The following COG1 variants were observed in gnomAD, a reference collection of about 807,000 sequenced individuals.
COG1 encodes conserved oligomeric Golgi complex subunit 1.
Under a neutral mutation model 102.2 loss-of-function variants are expected in COG1, and 61 were observed. That is an observed-to-expected ratio of 0.60 (90% CI 0.49 to 0.74). The LOEUF (loss-of-function observed/expected upper bound fraction) is 0.74. Among genes scored for constraint, COG1 ranks in the 30% least tolerant of loss-of-function variants. The pLI is 0.00. For synonymous variants in COG1, 454 were observed against 493.6 expected (o/e 0.92, Z 1.06); for missense variants, 1,164 against 1,232.1 (o/e 0.94, Z 0.83).
intron 8 of COG1, 86 bp from the exon 9 acceptor site, chr17:73,203,546 G>A: frequency 1.3e-6 from 2 of 1,514,844 alleles, no homozygotes; most frequent in Non-Finnish European, 1.8e-6. Flanking sequence ...TGGCACATAG[G>A]CCTTGTAAGA....
intron 1 of COG1, among the ~76,000 whole-genome samples, chr17:73,194,152 A>ATTTTTTTTTT (rs1257232460): frequency 5.4e-5 from 8 of 147,344 alleles, no homozygotes; most frequent in Non-Finnish European, 7.5e-5. Flanking sequence ...TTCCTAAAGA[A>ATTTTTTTTTT]TTTTTATTGG....
chr17:73,201,575 A>G lies in COG1; in HGVS notation c.1748A>G (p.Asp583Gly), dbSNP rs1436799906. 1 of 1,614,216 alleles carries G rather than the reference A, an allele frequency of 6.2e-7. No individual in the cohort carries two copies. The highest frequency in any genetic ancestry group is 8.5e-7 in the Non-Finnish European group (1 of 1,180,028). ...QSVACIKHIV[D>G]CIRAELQSIE... ...GTGGCATGCATCAAGCACATCGTGGACTGCATCCGGGCAGAGCTACAGAGC... is the reference window on the plus strand; with the variant it reads ...GTGGCATGCATCAAGCACATCGTGGGCTGCATCCGGGCAGAGCTACAGAGC... Residue 583 changes from aspartate (D) to glycine (G), a missense_variant, in exon 7 of 14, where the codon GAC (aspartate) becomes GGC (glycine). Physicochemically the swap from Asp to Gly is moderately conservative, Grantham distance 94. Transcript: ENST00000299886.
chr17:73,196,827 T>C (rs2061327275), intron 2 of COG1, 73 bp from the exon 3 acceptor site: 1 of 1,613,740 alleles, frequency 6.2e-7, no homozygotes, highest in Admixed American at 1.7e-5. Flanking sequence ...GTTTGTCTTC[T>C]TTCCTGATGT....
At chr17:73,202,460 T>C (rs2061351178) in intron 7 of COG1, among the ~76,000 whole-genome samples, 1 of 152,118 alleles carries the variant, frequency 6.6e-6, no homozygotes, top group South Asian at 2.1e-4. Flanking sequence ...AACCTAAATA[T>C]CATATTCCCA....
rs770355508 is a variant in COG1 at position 73,200,648 on chromosome 17, G to A, written c.1153G>A (p.Ala385Thr). ...GAAGGGTCTCGCGGGAATCCGGGAC[G>A]CCATGTGGGAGTTACTTACCAATGA... ...SMKGLAGIRD[A>T]MWELLTNEST... Residue 385 changes from alanine to threonine, a missense_variant, in exon 6 of 14, where the codon GCC (alanine) becomes ACC (threonine). Physicochemically the swap from Ala to Thr is moderately conservative, Grantham distance 58 (BLOSUM62 0). Coordinates refer to ENST00000299886, the MANE Select transcript of COG1 (RefSeq NM_018714.3). 1.2e-5 allele frequency: 20 copies of A among 1,614,010 alleles called. No homozygotes were observed. Among genetic ancestry groups the A allele is most frequent in the Non-Finnish European group, 1.6e-5 (19 of 1,180,022 alleles).
chr17:73,207,793 C>T lies in COG1; in HGVS notation c.2806-521C>T, dbSNP rs2061387088. The T allele has an allele frequency of 7.8e-6, 10 of 1,287,106 alleles. No individual in the cohort carries two copies. In the South Asian group the frequency reaches 1.0e-4, roughly 13 times the overall value. The allele number at this position is 1,287,106 out of a possible 1,614,324, so 79.7% of individuals were successfully genotyped here. A position where few individuals can be genotyped will look rare whatever the true frequency, so the allele number is the denominator to read the frequency against. On this transcript the variant is annotated intron_variant, in intron 13 of 13. Coordinates refer to ENST00000299886, the MANE Select transcript of COG1 (RefSeq NM_018714.3). ...GTGTTTGAAAGCTCAAACAGCTTGT[C>T]TTCTTACAGCATCGAGTTGTTTGCT...
intron 13 of COG1, 83 bp from the exon 14 acceptor site, chr17:73,208,231 C>G: frequency 6.2e-7 from 1 of 1,605,498 alleles, no homozygotes; most frequent in Non-Finnish European, 8.5e-7. Flanking sequence ...GCCGTGTGGA[C>G]TCCGAGTGGC....
rs1384297418 is a variant in COG1 at position 73,197,044 on chromosome 17, G to A, written c.705G>A (p.Lys235=). 4 of 1,614,066 alleles carry A rather than the reference G, an allele frequency of 2.5e-6. No homozygotes were observed. The highest frequency in any genetic ancestry group is 3.3e-5 in the Admixed American group (2 of 59,988). The change falls in exon 3 of 14, where the codon AAG becomes AAA. Residue 235 remains lysine (K), a synonymous_variant. Transcript: ENST00000299886. ...QALTDFLLAR[K]ATIQKLLNQP... is the part of the protein sequence containing the mutation. ...TCACAGACTTCCTGCTGGCCAGAAA[G>A]GCAACTATTCAGAAACTTCTCAACC...
At position 73,196,615 on chromosome 17, in the gene COG1, C is replaced by T; in HGVS notation, c.424C>T (p.His142Tyr). 6.2e-7 allele frequency: 1 copy of T among 1,614,182 alleles called. No homozygotes were observed. Among genetic ancestry groups the T allele is most frequent in the Non-Finnish European group, 8.5e-7 (1 of 1,180,032 alleles). The change falls in exon 2 of 14, where the codon CAC (histidine) becomes TAC (tyrosine). Residue 142 changes from histidine to tyrosine, a missense_variant. His to Tyr is a moderately conservative substitution (Grantham distance 83). Transcript: ENST00000299886. ...CTCGATGGAAGCCTCTCAGTGTCTC[C>T]ACGCCACACAGCTCTACCTGCTCTG... The part of the protein sequence containing the change: ...WSSMEASQCL[H>Y]ATQLYLLCCH...
intron 13 of COG1, chr17:73,207,925 A>G: frequency 8.4e-7 from 1 of 1,188,420 alleles, no homozygotes; most frequent in Non-Finnish European, 1.1e-6. Flanking sequence ...AAGTTGGGAG[A>G]TGGTAGTTTA....
chr17:73,207,591 T>G, intron 13 of COG1: 1 of 875,196 alleles, frequency 1.1e-6, no homozygotes, highest in Non-Finnish European at 1.6e-6. Context: ...GAAAATCTGT[T>G]TTGTTCTGGT....
chr17:73,197,581 G>A (rs1227320229), intron 4 of COG1, among the ~76,000 whole-genome samples, 185 bp downstream of exon 4: 3 of 152,198 alleles, frequency 2.0e-5, no homozygotes, highest in African/African-American at 4.8e-5. Flanking sequence ...ACAAATATGC[G>A]AATATCCATT....
rs755260901 is a variant in COG1, at chr17:73,193,351, C to T, written c.282C>T (p.Gly94=). ...ACTGCGCCCGCCTCCGCCAGGCCGG[C>T]TCGGCCGCGCCCCGGCCACCGCGGG... The part of the protein sequence containing the change: ...DQYCARLRQA[G]SAAPRPPRAQ... Residue 94 remains glycine, a synonymous_variant, in exon 1 of 14, where the codon GGC becomes GGT. Transcript: ENST00000299886. The T allele has an allele frequency of 1.3e-6, 2 of 1,506,600 alleles. No individual in the cohort carries two copies. Among genetic ancestry groups the T allele is most frequent in the Non-Finnish European group, 8.8e-7 (1 of 1,131,558 alleles). 93.3% of individuals were successfully genotyped at this position (1,506,600 alleles called of 1,614,324 possible).
rs759617573 is a variant in COG1 at position 73,203,735 on chromosome 17, G to C, written c.2324G>C (p.Ser775Thr). 3.1e-6 allele frequency: 5 copies of C among 1,614,234 alleles called. No individual in the cohort carries two copies. The highest frequency in any genetic ancestry group is 3.3e-4 in the Middle Eastern group (2 of 6,062). The change falls in exon 9 of 14, where the codon AGC becomes ACC. Residue 775 changes from serine (S) to threonine (T), a missense_variant. By Grantham distance (58) the Ser-to-Thr change is moderately conservative. Coordinates refer to ENST00000299886, the MANE Select transcript of COG1 (RefSeq NM_018714.3). Reference sequence around the variant, plus strand: ...GTGACATTACAGGAGATGCTGAAAAGCTGTATGGTTCAAGTAGTAGCTGCC... The same window carrying C: ...GTGACATTACAGGAGATGCTGAAAACCTGTATGGTTCAAGTAGTAGCTGCC... ...PKVTLQEMLK[S>T]CMVQVVAAYE...
chr17:73,205,778 C>T, intron 10 of COG1, 98 bp downstream of exon 10: 1 of 1,457,696 alleles, frequency 6.9e-7, no homozygotes, highest in East Asian at 2.3e-5. Context: ...TTATACTGCA[C>T]ATTCATTGTG....
chr17:73,204,246 G>GCTGC (rs2061358850), intron 9 of COG1, among the ~76,000 whole-genome samples: 1 of 152,228 alleles, frequency 6.6e-6, no homozygotes, highest in East Asian at 1.9e-4. Flanking sequence ...CAACCTCAGT[G>GCTGC]CTGCCACTGG....
rs937851782 is a variant in COG1 at position 73,193,250 on chromosome 17, G to C, written c.181G>C (p.Glu61Gln). The C allele has an allele frequency of 3.1e-6, 5 of 1,607,904 alleles. No homozygotes were observed. The highest frequency in any genetic ancestry group is 3.4e-6 in the Non-Finnish European group (4 of 1,177,960). The change falls in exon 1 of 14, where the codon GAG becomes CAG. Residue 61 changes from glutamate (E) to glutamine (Q), a missense_variant. Physicochemically the swap from Glu to Gln is conservative, Grantham distance 29 (BLOSUM62 2). Transcript: ENST00000299886. ...MVGERYRDLI[E>Q]AADTIGQMRR... ...GGGCGAACGGTACCGCGACCTGATC[G>C]AGGCGGCCGACACCATCGGCCAGAT...
intron 4 of COG1, among the ~76,000 whole-genome samples, chr17:73,198,757 A>G (rs753690818): frequency 3.3e-5 from 5 of 152,212 alleles, no homozygotes; most frequent in Admixed American, 6.5e-5. Context: ...GGAATGGATG[A>G]CATCATCAGT....
At chr17:73,196,395 C>T in intron 1 of COG1, 112 bp from the exon 2 acceptor site, 1 of 1,520,832 alleles carries the variant, frequency 6.6e-7, no homozygotes, top group Non-Finnish European at 9.1e-7. Context: ...CTGAACCCAG[C>T]TTAATAGAAG....
Sources: allele counts gnomAD v4.1 joint callset (sites outside exome capture counted in the v4.1 genomes callset), GRCh38; gene constraint gnomAD v4.1.1; transcripts MANE v1.5; gene names NCBI Gene and HGNC (gene_info 2026-07-23, HGNC 2026-07-21).